TP63: variants seen among roughly 807,000 people sequenced by gnomAD.
The protein encoded by TP63 is tumor protein 63.
A neutral mutation model predicts 82.8 loss-of-function variants in TP63; 17 were observed. The ratio of observed to expected loss-of-function variants is 0.21; its 90% CI spans 0.14 to 0.31. The LOEUF (loss-of-function observed/expected upper bound fraction) is 0.31, where lower values mean the gene tolerates loss of function less well. Among genes scored for constraint, TP63 ranks in the 10% least tolerant of loss-of-function variants. TP63 has a pLI of 1.00. For missense variants in TP63, 648 were observed against 895.3 expected (o/e 0.72, Z 3.52); for synonymous variants, 330 against 321.7 (o/e 1.03, Z -0.28).
chr3:189,738,243 G>A (rs1171584656), intron 2 of TP63, among the ~76,000 whole-genome samples: 1 of 152,202 alleles, frequency 6.6e-6, no homozygotes, highest in African/African-American at 2.4e-5. Context: ...ATACCTTGCT[G>A]TGAAACGTAT....
chr3:189,840,857 C>CAAA (rs58360712), intron 4 of TP63, among the ~76,000 whole-genome samples: 32 of 97,146 alleles, frequency 3.3e-4, no homozygotes, highest in African/African-American at 4.5e-4. Flanking sequence ...ACTCAGTCTC[C>CAAA]AAAAAAAAAA....
chr3:189,796,501 A>G (rs1725720884), intron 3 of TP63, among the ~76,000 whole-genome samples: 2 of 152,012 alleles, frequency 1.3e-5, no homozygotes, highest in Admixed American at 1.3e-4. Context: ...CTGGGCTTCA[A>G]GATAAATAAG....
chr3:189,824,781 A>G (rs1729160004), intron 4 of TP63, among the ~76,000 whole-genome samples: 1 of 151,756 alleles, frequency 6.6e-6, no homozygotes, highest in Non-Finnish European at 1.5e-5. Context: ...GCCATGAGCT[A>G]ATGTCTCCAG....
intron 1 of TP63, among the ~76,000 whole-genome samples, chr3:189,677,331 T>TATATATAAATATATATAAATAA (rs1553810157): frequency 1.4e-5 from 2 of 140,130 alleles, no homozygotes; most frequent in Non-Finnish European, 3.1e-5. Flanking sequence ...CACACACATA[T>TATATATAAATATATATAAATAA]TTATATATAT....
chr3:189,723,034 T>C (rs1719510072), intron 1 of TP63, among the ~76,000 whole-genome samples: 1 of 152,192 alleles, frequency 6.6e-6, no homozygotes, highest in African/African-American at 2.4e-5. Context: ...AAACAGAATC[T>C]CTTGGAGGAA....
intron 3 of TP63, among the ~76,000 whole-genome samples, chr3:189,807,549 T>C (rs1325792064): frequency 1.3e-5 from 2 of 152,234 alleles, no homozygotes; most frequent in African/African-American, 2.4e-5. Context: ...GGTATTTCTC[T>C]TACAAATGTT....
intron 3 of TP63, among the ~76,000 whole-genome samples, chr3:189,794,683 T>A (rs1725514246): frequency 1.3e-5 from 2 of 151,924 alleles, no homozygotes; most frequent in African/African-American, 4.8e-5. Context: ...GAGAGTACAT[T>A]TATCATAGTG....
chr3:189,765,433 C>CTTTTTTTGTTTTTTTTTTTTTTTTT (rs1722873151), intron 3 of TP63, among the ~76,000 whole-genome samples: 1 of 30,088 alleles, frequency 3.3e-5, no homozygotes, highest in Admixed American at 5.6e-4. Flanking sequence ...CTGTCCTCTG[C>CTTTTTTTGTTTTTTTTTTTTTTTTT]TTTTTTTTTT....
intron 1 of TP63, among the ~76,000 whole-genome samples, chr3:189,717,552 A>T (rs752185110): frequency 1.3e-5 from 2 of 152,190 alleles, no homozygotes; most frequent in African/African-American, 2.4e-5. Flanking sequence ...TTTAAACTCA[A>T]TACACTAAAA....
chr3:189,682,550 AAAAATATATATATAT>A (rs1333865175), intron 1 of TP63, among the ~76,000 whole-genome samples: 494 of 45,182 alleles, frequency 0.011, 8 homozygotes, highest in African/African-American at 0.039. Context: ...AAAAAAAAAA[AAAAATATATATATAT>A]ATATATATAT....
At chr3:189,616,435 A>G in the TP63 span, among the ~76,000 whole-genome samples, 60,217 of 152,110 alleles carry the variant, frequency 0.4, 13,184 homozygotes, top group Middle Eastern at 0.63. Flanking sequence ...CTCATGGTAT[A>G]TATTCTTCCT....
intron 3 of TP63, among the ~76,000 whole-genome samples, chr3:189,803,086 G>A (rs1297858380): frequency 6.6e-6 from 1 of 152,136 alleles, no homozygotes; most frequent in Non-Finnish European, 1.5e-5. Flanking sequence ...ATCACCTGAG[G>A]TCGGGAGTTT....
At chr3:189,636,524 A>G (rs909104976) in intron 1 of TP63, among the ~76,000 whole-genome samples, 5 of 152,240 alleles carry the variant, frequency 3.3e-5, no homozygotes, top group Middle Eastern at 3.4e-3. Flanking sequence ...TGTGATTTTA[A>G]GCAAAACCGT....
intron 3 of TP63, among the ~76,000 whole-genome samples, chr3:189,753,253 A>G (rs1165237330): frequency 6.6e-6 from 1 of 152,068 alleles, no homozygotes; most frequent in African/African-American, 2.4e-5. Flanking sequence ...GAATTCTTCA[A>G]CTGTCATTAT....
rs73889900 is a variant in TP63, at chr3:189,882,436, A to T, written c.1350-3958A>T. 4.5e-3 allele frequency among the ~76,000 whole-genome samples: 669 copies of T among 148,690 alleles called. 5 individuals are homozygous for T. Among genetic ancestry groups the T allele is most frequent in the African/African-American group, 0.014 (558 of 40,600 alleles). On this transcript the variant is annotated intron_variant, in intron 10 of 13. Coordinates refer to ENST00000264731, the MANE Select transcript of TP63 (RefSeq NM_003722.5). ...CTGGGTAAAATTGAGAGAAGATATG[A>T]TTCTTTTTCTGATGGTCCATGTTTT...
At chr3:189,747,567 T>C (rs1412412155) in intron 3 of TP63, among the ~76,000 whole-genome samples, 2 of 152,026 alleles carry the variant, frequency 1.3e-5, no homozygotes, top group East Asian at 1.9e-4. Flanking sequence ...CAAAAATCTA[T>C]GGGATACAAC....
At chr3:189,818,041 A>G (rs1016488379) in intron 4 of TP63, among the ~76,000 whole-genome samples, 1 of 151,828 alleles carries the variant, frequency 6.6e-6, no homozygotes, top group African/African-American at 2.4e-5. Flanking sequence ...AGAATTTGAT[A>G]ATTTGGGCTT....
At chr3:189,865,195 A>G (rs1717559685) in intron 5 of TP63, among the ~76,000 whole-genome samples, 1 of 152,146 alleles carries the variant, frequency 6.6e-6, no homozygotes, top group Non-Finnish European at 1.5e-5. Context: ...TGAAAAAACC[A>G]GAAGAAGAAA....
intron 1 of TP63, among the ~76,000 whole-genome samples, chr3:189,665,018 T>C (rs1714256676): frequency 6.6e-6 from 1 of 152,108 alleles, no homozygotes; most frequent in Admixed American, 6.6e-5. Context: ...TATAACTAAG[T>C]AAAAATATTA....
Sources: gnomAD v4.1 joint callset for allele counts (sites outside exome capture counted in the v4.1 genomes callset) on GRCh38, gnomAD v4.1.1 for gene constraint, MANE v1.5 for transcripts, NCBI Gene and HGNC (gene_info 2026-07-23, HGNC 2026-07-21) for gene names.